RASGEF1C: variants seen among roughly 807,000 people sequenced by gnomAD.
The protein encoded by RASGEF1C is RasGEF domain family member 1C.
Under a neutral mutation model 58.1 loss-of-function variants are expected in RASGEF1C, and 27 were observed. The ratio of observed to expected loss-of-function variants is 0.46; its 90% CI spans 0.34 to 0.64. RASGEF1C has a LOEUF of 0.64. RASGEF1C is among the 30% of genes least tolerant of loss of function. The probability of loss-of-function intolerance (pLI) is 0.01; values close to 1 mark genes in which losing one functional copy is unlikely to be tolerated. For synonymous variants in RASGEF1C, 243 were observed against 246.3 expected (o/e 0.99, Z 0.13); for missense variants, 502 against 605.1 (o/e 0.83, Z 1.79).
intron 1 of RASGEF1C, among the ~76,000 whole-genome samples, chr5:180,190,500 A>AT (rs1232541701): frequency 1.0e-5 from 1 of 97,126 alleles, no homozygotes; most frequent in African/African-American, 3.3e-5. Flanking sequence ...AAAAAAAAAA[A>AT]AAAAAAAATA....
At chr5:180,103,178 C>T (rs1009526316) in intron 12 of RASGEF1C, among the ~76,000 whole-genome samples, 1 of 152,134 alleles carries the variant, frequency 6.6e-6, no homozygotes, top group Non-Finnish European at 1.5e-5. Context: ...CCCGGGTTCA[C>T]ACCATTCTCC....
intron 1 of RASGEF1C, among the ~76,000 whole-genome samples, chr5:180,201,108 CAAG>C (rs1002133696): frequency 6.6e-5 from 10 of 152,044 alleles, no homozygotes; most frequent in Middle Eastern, 3.2e-3. Flanking sequence ...TAAATAAAAA[CAAG>C]AAGAAGAAAG....
intron 13 of RASGEF1C, 127 bp downstream of exon 13, chr5:180,101,944 A>G: frequency 1.4e-6 from 1 of 691,214 alleles, no homozygotes; most frequent in Non-Finnish European, 2.5e-6. Flanking sequence ...TGAGCCGGGT[A>G]TCTCTGAAGC....
chr5:180,102,129 A>G lies in RASGEF1C; in HGVS notation c.1318T>C (p.Ser440Pro). 1 of 1,575,900 alleles carries G rather than the reference A, an allele frequency of 6.3e-7. No individual in the cohort carries two copies. Among genetic ancestry groups the G allele is most frequent in the South Asian group, 1.1e-5 (1 of 90,082 alleles). ...IFSEDGLYLA[S>P]YESESPENQT... ...TTCTCTGGGCTCTCACTTTCGTAAG[A>G]AGCCAAATAAAGACCTAGACAGAAA... Residue 440 changes from serine to proline, a missense_variant, in exon 13 of 14, where the codon TCT (serine) becomes CCT (proline). Physicochemically the swap from Ser to Pro is moderately conservative, Grantham distance 74. Coordinates refer to ENST00000361132, the MANE Select transcript of RASGEF1C (RefSeq NM_175062.4).
chr5:180,183,753 C>T (rs959010142), intron 1 of RASGEF1C, among the ~76,000 whole-genome samples: 2 of 151,860 alleles, frequency 1.3e-5, no homozygotes, highest in Non-Finnish European at 2.9e-5. Context: ...AACCAGGAGG[C>T]AGAGGTTGCA....
At chr5:180,181,394 C>T (rs1028412007) in intron 1 of RASGEF1C, among the ~76,000 whole-genome samples, 1 of 152,188 alleles carries the variant, frequency 6.6e-6, no homozygotes, top group Non-Finnish European at 1.5e-5. Flanking sequence ...GAAGTCCTCA[C>T]CTCCAATATC....
At chr5:180,178,389 C>A (rs1387227539) in intron 1 of RASGEF1C, among the ~76,000 whole-genome samples, 1 of 148,632 alleles carries the variant, frequency 6.7e-6, no homozygotes, top group Non-Finnish European at 1.5e-5. Context: ...AAGCAATTCT[C>A]CTGCCTCAGT....
chr5:180,110,606 C>T (rs933028468), intron 12 of RASGEF1C, among the ~76,000 whole-genome samples: 9 of 152,092 alleles, frequency 5.9e-5, no homozygotes, highest in Non-Finnish European at 1.0e-4. Flanking sequence ...GCAGAGGGCC[C>T]CGGGACCTGC....
chr5:180,176,560 T>TC (rs1266021819), intron 1 of RASGEF1C, among the ~76,000 whole-genome samples: 1 of 150,242 alleles, frequency 6.7e-6, no homozygotes, highest in East Asian at 1.9e-4. Flanking sequence ...CTAATACTTT[T>TC]TTTTTTTTTT....
At chr5:180,167,475 T>C (rs7701317) in intron 1 of RASGEF1C, among the ~76,000 whole-genome samples, 6 of 152,042 alleles carry the variant, frequency 3.9e-5, no homozygotes, top group Non-Finnish European at 8.8e-5. Context: ...GGTGACAGAG[T>C]GAGACCCTGT....
chr5:180,206,172 G>A (rs369786493), intron 1 of RASGEF1C, among the ~76,000 whole-genome samples: 1 of 152,184 alleles, frequency 6.6e-6, no homozygotes, highest in Non-Finnish European at 1.5e-5. Flanking sequence ...TATGAGAAAG[G>A]TGCATTTCAG....
chr5:180,119,568 G>A, intron 7 of RASGEF1C, 120 bp from the exon 8 acceptor site: 2 of 716,680 alleles, frequency 2.8e-6, no homozygotes, highest in Non-Finnish European at 4.9e-6. Context: ...TGAGGCACTT[G>A]AGGCTCAGGG....
chr5:180,103,598 T>C lies in RASGEF1C; in HGVS notation c.1304-1455A>G, dbSNP rs553098567. On this transcript the variant is annotated intron_variant, in intron 12 of 13. Transcript: ENST00000361132. ...GTTCTAGGGGTTTTTGTAGATTCTT[T>C]GGGATTTTTTTTCCTCATCATCTGC... 2.0e-5 allele frequency among the ~76,000 whole-genome samples: 3 copies of C among 152,338 alleles called. No individual in the cohort carries two copies. The East Asian group carries it at 5.8e-4, about 29-fold the overall frequency.
chr5:180,115,308 T>A (rs557286073), intron 10 of RASGEF1C: 344 of 420,676 alleles, frequency 8.2e-4, no homozygotes, highest in Non-Finnish European at 1.2e-3. Context: ...AAAAAAAAAA[T>A]TTAACAATTT....
rs567005601 is a variant in RASGEF1C, at chr5:180,106,829, T to G, written c.1303+4628A>C. Among the ~76,000 whole-genome samples the G allele has an allele frequency of 1.4e-4, 22 of 152,368 alleles. No individual in the cohort carries two copies. The Middle Eastern group carries it at 0.017, about 118-fold the overall frequency. ...GAGTTCTTTGTCTTTGCTGATTTTC[T>G]GTCTAGTTGTTCTATCAATTGTTCA... is the stretch of plus-strand genomic sequence containing the variant. On this transcript the variant is annotated intron_variant, in intron 12 of 13. Coordinates refer to ENST00000361132, the MANE Select transcript of RASGEF1C (RefSeq NM_175062.4).
intron 1 of RASGEF1C, among the ~76,000 whole-genome samples, chr5:180,171,271 A>G (rs1767102516): frequency 6.6e-6 from 1 of 151,964 alleles, no homozygotes; most frequent in Admixed American, 6.6e-5. Flanking sequence ...ATCTGGAAGA[A>G]GTGTGACCTG....
At chr5:180,189,629 C>T (rs371988634) in intron 1 of RASGEF1C, among the ~76,000 whole-genome samples, 28 of 152,170 alleles carry the variant, frequency 1.8e-4, no homozygotes, top group South Asian at 6.2e-4. Context: ...TTATTTCGGC[C>T]GTGCCTGGTG....
chr5:180,163,709 G>T (rs1466145510), intron 1 of RASGEF1C, among the ~76,000 whole-genome samples: 1 of 151,918 alleles, frequency 6.6e-6, no homozygotes, highest in Non-Finnish European at 1.5e-5. Flanking sequence ...TTTTGCTAAA[G>T]ATTTTTGTTC....
At chr5:180,179,749 A>C (rs974968951) in intron 1 of RASGEF1C, among the ~76,000 whole-genome samples, 1 of 152,238 alleles carries the variant, frequency 6.6e-6, no homozygotes, top group East Asian at 1.9e-4. Context: ...GAGAGAAGCC[A>C]AACAATGCAC....
Sources: gnomAD v4.1 joint callset for allele counts (sites outside exome capture counted in the v4.1 genomes callset) on GRCh38, gnomAD v4.1.1 for gene constraint, MANE v1.5 for transcripts, NCBI Gene and HGNC (gene_info 2026-07-23, HGNC 2026-07-21) for gene names.